Variants in SDK1 observed in about 807,000 individuals in gnomAD.
SDK1 encodes the protein protein sidekick-1.
SDK1 carries 157 observed loss-of-function variants against 245.5 expected under a neutral mutation model. That is an observed-to-expected ratio of 0.64 (90% CI 0.56 to 0.73). The LOEUF (loss-of-function observed/expected upper bound fraction) is 0.73, where lower values mean the gene tolerates loss of function less well. Among genes scored for constraint, SDK1 ranks in the 30% least tolerant of loss-of-function variants. The pLI is 0.00. For synonymous variants in SDK1, 1,647 were observed against 1,278.5 expected (o/e 1.29, Z -6.15); for missense variants, 3,583 against 3,002.3 (o/e 1.19, Z -4.52).
chr7:3,318,378 C>G (rs886924212), intron 1 of SDK1, among the ~76,000 whole-genome samples: 1 of 152,162 alleles, frequency 6.6e-6, no homozygotes, highest in Non-Finnish European at 1.5e-5. Flanking sequence ...TTCAGGTGCT[C>G]ATTTGTAAAG....
chr7:3,987,413 C>G, intron 14 of SDK1, 91 bp downstream of exon 14: 6 of 1,312,840 alleles, frequency 4.6e-6, no homozygotes, highest in Middle Eastern at 2.6e-4. Context: ...TGGGTCAGAC[C>G]CAAAACAACT....
At position 3,619,965 on chromosome 7, in the gene SDK1, T is replaced by C. The variant is rs186332747; in HGVS notation, c.458+726T>C. Among the ~76,000 whole-genome samples the C allele has an allele frequency of 2.4e-3, 372 of 152,264 alleles. 3 individuals carry two copies. Among genetic ancestry groups the C allele is most frequent in the South Asian group, 0.017 (84 of 4,820 alleles). On this transcript the variant is annotated intron_variant, in intron 2 of 44. Coordinates refer to ENST00000404826, the MANE Select transcript of SDK1 (RefSeq NM_152744.4). ...CTTTCCAGGGGTATACTTTTGAGGA[T>C]GATAATATTACATGCTGCAGTTCTG... is the stretch of plus-strand genomic sequence containing the variant.
At chr7:3,642,194 A>C (rs1782672869) in intron 4 of SDK1, 89 bp downstream of exon 4, 1 of 1,309,688 alleles carries the variant, frequency 7.6e-7, no homozygotes, top group Non-Finnish European at 1.1e-6. Flanking sequence ...AATTAAGGTT[A>C]CCGATGATTT....
At chr7:3,909,144 G>C (rs1381180159) in intron 5 of SDK1, among the ~76,000 whole-genome samples, 1 of 152,214 alleles carries the variant, frequency 6.6e-6, no homozygotes, top group East Asian at 1.9e-4. Flanking sequence ...CTTGGCATAA[G>C]TCAGAGAAGG....
At chr7:3,573,444 A>G (rs1247429401) in intron 1 of SDK1, among the ~76,000 whole-genome samples, 1 of 150,802 alleles carries the variant, frequency 6.6e-6, no homozygotes, top group Non-Finnish European at 1.5e-5. Context: ...TGTTTGTTCA[A>G]GGGCCCAGGG....
intron 4 of SDK1, among the ~76,000 whole-genome samples, chr7:3,781,001 C>T (rs898673075): frequency 8.5e-5 from 13 of 152,178 alleles, no homozygotes; most frequent in African/African-American, 3.1e-4. Context: ...TCATGGATTT[C>T]AGAAAAGCAT....
At chr7:4,050,491 G>A in intron 18 of SDK1, among the ~76,000 whole-genome samples, 1 of 152,218 alleles carries the variant, frequency 6.6e-6, no homozygotes, top group East Asian at 1.9e-4. Context: ...TTTGATCTGT[G>A]TAAATACGCT....
At chr7:4,218,790 C>G (rs1184998745) in intron 38 of SDK1, among the ~76,000 whole-genome samples, 1 of 152,144 alleles carries the variant, frequency 6.6e-6, no homozygotes, top group African/African-American at 2.4e-5. Flanking sequence ...TCGGTCCATC[C>G]TGGAAGTACC....
rs191228075 is a variant in SDK1 at position 3,746,323 on chromosome 7, C to G, written c.714-75127C>G. On this transcript the variant is annotated intron_variant, in intron 4 of 44. Transcript: ENST00000404826. ...TCTTTTTGATGGTACAGGGTCTTAC[C>G]TCATTGGTGATGGCTGCTGACTGAT... Among the ~76,000 whole-genome samples, 496 of 152,286 alleles carry G rather than the reference C, an allele frequency of 3.3e-3. 2 individuals are homozygous for G. The highest frequency in any genetic ancestry group is 0.017 in the Middle Eastern group (5 of 294).
At chr7:4,079,714 G>T (rs1584053581) in intron 22 of SDK1, 130 bp downstream of exon 22, 2 of 1,332,312 alleles carry the variant, frequency 1.5e-6, no homozygotes, top group Non-Finnish European at 2.1e-6. Context: ...GGGAGAACCA[G>T]GGGCTGGAGA....
chr7:3,324,577 T>A (rs949353842), intron 1 of SDK1, among the ~76,000 whole-genome samples: 3 of 152,180 alleles, frequency 2.0e-5, no homozygotes, highest in Non-Finnish European at 4.4e-5. Context: ...CTAGATACTT[T>A]ATCTTCCCTG....
At chr7:3,602,230 C>G (rs958389568) in intron 1 of SDK1, among the ~76,000 whole-genome samples, 3 of 151,472 alleles carry the variant, frequency 2.0e-5, no homozygotes, top group Admixed American at 6.6e-5. Context: ...ATTTCTAGTT[C>G]TAGATCCCTG....
intron 2 of SDK1, among the ~76,000 whole-genome samples, chr7:3,635,229 C>G (rs1490207951): frequency 6.6e-6 from 1 of 152,070 alleles, no homozygotes; most frequent in African/African-American, 2.4e-5. Flanking sequence ...TGAACCATTC[C>G]ACATAAAAGA....
chr7:4,074,729 G>A (rs1360682882), intron 20 of SDK1, among the ~76,000 whole-genome samples: 1 of 151,184 alleles, frequency 6.6e-6, no homozygotes, highest in Admixed American at 6.6e-5. Flanking sequence ...CAGGCATGGT[G>A]GCACATGCCT....
intron 1 of SDK1, among the ~76,000 whole-genome samples, chr7:3,616,713 A>G (rs1469343455): frequency 6.6e-6 from 1 of 152,218 alleles, no homozygotes; most frequent in Non-Finnish European, 1.5e-5. Context: ...ATAGTGATCA[A>G]CAAAATGACA....
intron 14 of SDK1, among the ~76,000 whole-genome samples, chr7:3,992,346 C>T (rs968118566): frequency 2.6e-5 from 4 of 152,214 alleles, no homozygotes; most frequent in Admixed American, 2.6e-4. Flanking sequence ...GTTTGCCTCT[C>T]TGAGAAGTTT....
intron 19 of SDK1, among the ~76,000 whole-genome samples, chr7:4,063,437 A>C (rs1337545669): frequency 2.6e-5 from 4 of 152,172 alleles, no homozygotes; most frequent in African/African-American, 7.2e-5. Flanking sequence ...ACATTGATGA[A>C]AGGAACTAAG....
At chr7:4,052,359 T>C (rs999746503) in intron 19 of SDK1, among the ~76,000 whole-genome samples, 6 of 151,614 alleles carry the variant, frequency 4.0e-5, no homozygotes, top group African/African-American at 9.7e-5. Flanking sequence ...CCCGAGAAAA[T>C]AGTCACAGAT....
Position 3,524,839 on chromosome 7 carries a change from C to G in SDK1, c.299-94241C>G, listed in dbSNP as rs145666385. On this transcript the variant is annotated intron_variant, in intron 1 of 44. Coordinates refer to ENST00000404826, the MANE Select transcript of SDK1 (RefSeq NM_152744.4). Reference sequence around the variant, plus strand: ...AAAAATTGGAGGGTCATCAATCTAACAAAAGGTTTAAAAACTGTGGGAATG... The same window carrying G: ...AAAAATTGGAGGGTCATCAATCTAAGAAAAGGTTTAAAAACTGTGGGAATG... 4.9e-3 allele frequency among the ~76,000 whole-genome samples: 751 copies of G among 152,192 alleles called. 11 individuals carry two copies. Among genetic ancestry groups the G allele is most frequent in the African/African-American group, 0.017 (707 of 41,522 alleles).
Sources: allele counts gnomAD v4.1 joint callset (sites outside exome capture counted in the v4.1 genomes callset), GRCh38; gene constraint gnomAD v4.1.1; transcripts MANE v1.5; gene names NCBI Gene and HGNC (gene_info 2026-07-23, HGNC 2026-07-21).